The following YEATS2 variants were observed in gnomAD, a reference collection of about 807,000 sequenced individuals.
The protein encoded by YEATS2 is YEATS domain-containing protein 2.
In YEATS2, 77 loss-of-function variants were observed where a neutral mutation model predicts 163.2. The observed-to-expected ratio is 0.47, with a 90% CI of 0.39 to 0.57. The LOEUF is 0.57. Ranked by LOEUF, YEATS2 falls within the 20% of genes least tolerant of loss-of-function variation. YEATS2 has a pLI of 0.00. For missense variants in YEATS2, 1,549 were observed against 1,729.8 expected (o/e 0.90, Z 1.85); for synonymous variants, 631 against 645.1 (o/e 0.98, Z 0.33).
intron 20 of YEATS2, 64 bp downstream of exon 20, chr3:183,786,365 G>C: frequency 6.7e-7 from 1 of 1,500,786 alleles, no homozygotes; most frequent in Non-Finnish European, 9.0e-7. Context: ...ATACAAGGAA[G>C]GTGTCCAGCA....
At chr3:183,782,397 C>T (rs1045882811) in intron 19 of YEATS2, among the ~76,000 whole-genome samples, 2 of 151,718 alleles carry the variant, frequency 1.3e-5, no homozygotes, top group Admixed American at 6.6e-5. Context: ...ACATGAGCCA[C>T]CGCGCCTGGC....
Position 183,809,283 on chromosome 3 carries a change from G to A in YEATS2, c.4160+113G>A. The A allele has an allele frequency of 4.7e-6, 5 of 1,061,738 alleles. No homozygotes were observed. In the South Asian group the frequency reaches 6.6e-5, roughly 14 times the overall value. 65.8% of individuals were successfully genotyped at this position (1,061,738 alleles called of 1,614,324 possible). A position where few individuals can be genotyped will look rare whatever the true frequency, so the allele number is the denominator to read the frequency against. On this transcript the variant is annotated intron_variant, in intron 30 of 30. Transcript: ENST00000305135. The stretch of plus-strand genomic sequence containing the variant: ...CAATCCAGTAGGAGATGGAGTGAGT[G>A]CTTAGGACACTCTTAGAGCCAGATG...
intron 7 of YEATS2, among the ~76,000 whole-genome samples, chr3:183,731,213 G>A (rs973358041): frequency 6.6e-6 from 1 of 151,414 alleles, no homozygotes; most frequent in Admixed American, 6.6e-5. Context: ...GCAGGAGAAT[G>A]GCTTGAACCA....
In YEATS2 at chr3:183,761,585, A is replaced by G. The variant is rs935286837; in HGVS notation, c.1735A>G (p.Ile579Val). 18 of 1,614,174 alleles carry G rather than the reference A, an allele frequency of 1.1e-5. 1 individual carries two copies. Among genetic ancestry groups the G allele is most frequent in the South Asian group, 5.5e-5 (5 of 91,082 alleles). ...SHPKVQSPKP[I>V]TGGLGAFTKV... ...CCCTAAGGTTCAAAGCCCCAAACCT[A>G]TAACAGGAGGACTTGGAGCTTTCAC... The change falls in exon 14 of 31, where the codon ATA (isoleucine) becomes GTA (valine). Residue 579 changes from isoleucine (I) to valine (V), a missense_variant. Coordinates refer to ENST00000305135, the MANE Select transcript of YEATS2 (RefSeq NM_018023.5).
chr3:183,724,265 T>G (rs533117280), intron 5 of YEATS2, among the ~76,000 whole-genome samples, 154 bp from the exon 6 acceptor site: 2 of 152,322 alleles, frequency 1.3e-5, no homozygotes, highest in South Asian at 4.1e-4. Context: ...ATAGTAACTT[T>G]TTTAATGCTT....
intron 19 of YEATS2, among the ~76,000 whole-genome samples, chr3:183,778,061 G>A (rs1258540817): frequency 8.3e-5 from 12 of 144,478 alleles, no homozygotes; most frequent in African/African-American, 2.6e-4. Flanking sequence ...GCAGTGAGCC[G>A]AGATCGTGCC....
At chr3:183,804,323 A>C in intron 27 of YEATS2, 135 bp downstream of exon 27, 1 of 1,029,188 alleles carries the variant, frequency 9.7e-7, no homozygotes, top group South Asian at 1.6e-5. Flanking sequence ...CCTTCGTGGG[A>C]CCGTGCAGTC....
chr3:183,723,485 TAA>T (rs1440364193), intron 5 of YEATS2, among the ~76,000 whole-genome samples: 1 of 152,298 alleles, frequency 6.6e-6, no homozygotes, highest in East Asian at 1.9e-4. Context: ...TACAGAAAAG[TAA>T]AAAAGAATAG....
Position 183,722,131 on chromosome 3 carries a change from G to A in YEATS2, c.532G>A (p.Gly178Arg), listed in dbSNP as rs1228697383. The change falls in exon 5 of 31, where the codon GGA (glycine) becomes AGA (arginine). Residue 178 changes from glycine (G) to arginine (R), a missense_variant. Transcript: ENST00000305135. The stretch of plus-strand genomic sequence containing the variant: ...GGAGCAGAGACCAAGCCGAAATACT[G>A]GAAGGGTATATAGATGGGTGGATGT... ...NMEQRPSRNTGRDTSRITGSH... is the reference protein window; with the variant it reads ...NMEQRPSRNTRRDTSRITGSH... The A allele has an allele frequency of 3.7e-6, 6 of 1,613,800 alleles. No individual in the cohort carries two copies. In the East Asian group the frequency reaches 1.3e-4, roughly 36 times the overall value.
At chr3:183,763,217 A>G (rs1044276237) in intron 15 of YEATS2, among the ~76,000 whole-genome samples, 1 of 152,140 alleles carries the variant, frequency 6.6e-6, no homozygotes, top group African/African-American at 2.4e-5. Context: ...ATCCAGATAG[A>G]ATAGCTAACT....
chr3:183,761,723 C>A, intron 14 of YEATS2, 109 bp downstream of exon 14: 1 of 1,011,042 alleles, frequency 9.9e-7, no homozygotes, highest in Non-Finnish European at 1.5e-6. Context: ...GGTCTCAACT[C>A]CTCATTCTGA....
In YEATS2 at chr3:183,786,278, T is replaced by C. The variant is rs751025671; in HGVS notation, c.2890T>C (p.Ser964Pro). 7 of 1,613,388 alleles carry C rather than the reference T, an allele frequency of 4.3e-6. No individual in the cohort carries two copies. The East Asian group carries it at 1.3e-4, about 31-fold the overall frequency. The change falls in exon 20 of 31, where the codon TCA becomes CCA. Residue 964 changes from serine to proline, a missense_variant. Transcript: ENST00000305135. ...TTATSPAVAL[S>P]ANGPAQQSEG... Reference sequence around the variant, plus strand: ...TGCCACTTCCCCTGCCGTGGCCCTCTCAGCAAACGGTCCTGCACAACAGGT... The same window carrying C: ...TGCCACTTCCCCTGCCGTGGCCCTCCCAGCAAACGGTCCTGCACAACAGGT...
chr3:183,735,454 C>CT (rs1683379203), intron 7 of YEATS2, among the ~76,000 whole-genome samples: 1 of 152,130 alleles, frequency 6.6e-6, no homozygotes, highest in South Asian at 2.1e-4. Context: ...CCAGGGCACT[C>CT]TAGTTTTCTT....
chr3:183,754,954 A>C (rs1005086383), intron 11 of YEATS2, among the ~76,000 whole-genome samples: 5 of 152,202 alleles, frequency 3.3e-5, no homozygotes, highest in Non-Finnish European at 5.9e-5. Context: ...AGAACAAAAC[A>C]TGTTTGTTAA....
At chr3:183,789,109 G>A (rs573483783) in intron 20 of YEATS2, among the ~76,000 whole-genome samples, 7 of 152,136 alleles carry the variant, frequency 4.6e-5, no homozygotes, top group African/African-American at 1.7e-4. Flanking sequence ...TCTTTGCTGT[G>A]CAGAAGCTTT....
In YEATS2 at chr3:183,715,170, G is replaced by A. The variant is rs1715706876; in HGVS notation, c.8G>A (p.Gly3Glu). The A allele has an allele frequency of 6.2e-7, 1 of 1,611,640 alleles. No homozygotes were observed. The highest frequency in any genetic ancestry group is 1.3e-5 in the African/African-American group (1 of 74,804). Residue 3 changes from glycine to glutamate, a missense_variant, in exon 2 of 31, where the codon GGA (glycine) becomes GAA (glutamate). Physicochemically the swap from Gly to Glu is moderately conservative, Grantham distance 98 (BLOSUM62 -2). Coordinates refer to ENST00000305135, the MANE Select transcript of YEATS2 (RefSeq NM_018023.5). ...GAAGAACTGAATGTCATCATGTCTG[G>A]AATCAAGCGAACCATCAAAGAAACC... MS[G>E]IKRTIKETDP...
chr3:183,714,129 A>T (rs115657294), intron 1 of YEATS2, among the ~76,000 whole-genome samples: 23,052 of 150,966 alleles, frequency 0.15, 2,026 homozygotes, highest in South Asian at 0.2. Context: ...TTTAAATTTT[A>T]ATTTAAACAG....
chr3:183,780,763 TC>T (rs1723490775), intron 19 of YEATS2, among the ~76,000 whole-genome samples: 1 of 152,226 alleles, frequency 6.6e-6, no homozygotes, highest in African/African-American at 2.4e-5. Context: ...AGTGGATAAA[TC>T]TTTTTTATTA....
intron 1 of YEATS2, among the ~76,000 whole-genome samples, chr3:183,698,898 A>G (rs139856391): frequency 3.3e-5 from 5 of 152,324 alleles, no homozygotes; most frequent in African/African-American, 9.6e-5. Flanking sequence ...TTTACGATCT[A>G]GAGATACTAC....
Sources: gnomAD v4.1 joint callset for allele counts (sites outside exome capture counted in the v4.1 genomes callset) on GRCh38, gnomAD v4.1.1 for gene constraint, MANE v1.5 for transcripts, NCBI Gene and HGNC (gene_info 2026-07-23, HGNC 2026-07-21) for gene names.